Variants in CCDC178 observed in about 807,000 individuals in gnomAD.
CCDC178 encodes coiled-coil domain-containing protein 178.
CCDC178 carries 126 observed loss-of-function variants against 117.4 expected under a neutral mutation model. The ratio of observed to expected loss-of-function variants is 1.07; its 90% CI spans 0.93 to 1.24. CCDC178 has a LOEUF of 1.24. CCDC178 is among the 50% of genes most tolerant of loss of function. CCDC178 has a pLI of 0.00. For synonymous variants in CCDC178, 283 were observed against 313.4 expected, an observed-to-expected ratio of 0.90 and a Z score of 1.02; for missense variants, 1,030 against 986.9, an observed-to-expected ratio of 1.04 and a Z score of -0.59.
chr18:33,376,636 T>G (rs1031833396), intron 5 of CCDC178, among the ~76,000 whole-genome samples: 2 of 152,174 alleles, frequency 1.3e-5, no homozygotes, highest in African/African-American at 4.8e-5. Flanking sequence ...TAGTGTCTAT[T>G]GATGCCATCT....
chr18:33,198,965 A>G (rs550290159), intron 20 of CCDC178, among the ~76,000 whole-genome samples: 1 of 152,178 alleles, frequency 6.6e-6, no homozygotes, highest in Non-Finnish European at 1.5e-5. Flanking sequence ...CAGTATCTAG[A>G]ATAGTGTATT....
intron 20 of CCDC178, among the ~76,000 whole-genome samples, chr18:33,172,397 A>G (rs942279150): frequency 6.6e-6 from 1 of 152,148 alleles, no homozygotes; most frequent in South Asian, 2.1e-4. Context: ...AAATATACGT[A>G]AAATGAATTT....
In CCDC178 at chr18:32,943,892, G is replaced by T. The variant is rs546509596; in HGVS notation, c.2524-5801C>A. Reference sequence around the variant, plus strand: ...AAAATTGTAGTGATGTGCAGAAAAAGAATTTAGTTAAAATGAGATCTCGTA... The same window carrying T: ...AAAATTGTAGTGATGTGCAGAAAAATAATTTAGTTAAAATGAGATCTCGTA... On this transcript the variant is annotated intron_variant, in intron 22 of 22. Transcript: ENST00000383096. Among the ~76,000 whole-genome samples, 8 of 152,288 alleles carry T rather than the reference G, an allele frequency of 5.3e-5. No homozygotes were observed. In the South Asian group the frequency reaches 1.0e-3, roughly 20 times the overall value.
At chr18:33,117,845 T>C (rs1421510510) in intron 20 of CCDC178, among the ~76,000 whole-genome samples, 1 of 152,070 alleles carries the variant, frequency 6.6e-6, no homozygotes, top group East Asian at 1.9e-4. Context: ...AAGAGTGATG[T>C]CTATTCAATC....
At chr18:33,287,036 T>C (rs2060106216) in intron 12 of CCDC178, among the ~76,000 whole-genome samples, 1 of 151,946 alleles carries the variant, frequency 6.6e-6, no homozygotes, top group Non-Finnish European at 1.5e-5. Flanking sequence ...GTTTTCTGGC[T>C]AACAAAGGCC....
chr18:33,131,420 A>C (rs2058067729), intron 20 of CCDC178, among the ~76,000 whole-genome samples: 1 of 151,830 alleles, frequency 6.6e-6, no homozygotes, highest in Non-Finnish European at 1.5e-5. Flanking sequence ...AGAACTATGA[A>C]AGTAACAAAA....
chr18:33,401,533 T>G (rs2063710033), intron 3 of CCDC178, among the ~76,000 whole-genome samples: 1 of 152,178 alleles, frequency 6.6e-6, no homozygotes, highest in South Asian at 2.1e-4. Flanking sequence ...TCCAATAGAA[T>G]GTATTCATCA....
At chr18:32,961,629 G>C (rs931016232) in intron 22 of CCDC178, among the ~76,000 whole-genome samples, 5 of 152,124 alleles carry the variant, frequency 3.3e-5, no homozygotes, top group African/African-American at 1.2e-4. Context: ...GGATGAAACT[G>C]TTCCACTTCA....
chr18:33,150,690 A>T (rs569411200), intron 20 of CCDC178, among the ~76,000 whole-genome samples: 47 of 152,222 alleles, frequency 3.1e-4, no homozygotes, highest in Non-Finnish European at 5.4e-4. Context: ...GCTGGTGAGA[A>T]TGTAAACTAG....
intron 12 of CCDC178, among the ~76,000 whole-genome samples, chr18:33,276,444 G>A (rs1374982004): frequency 6.6e-6 from 1 of 151,988 alleles, no homozygotes; most frequent in Non-Finnish European, 1.5e-5. Flanking sequence ...GGATATATAA[G>A]ATTTGTTACA....
chr18:32,975,406 A>G (rs2055009763), intron 21 of CCDC178, among the ~76,000 whole-genome samples: 1 of 152,218 alleles, frequency 6.6e-6, no homozygotes, highest in South Asian at 2.1e-4. Context: ...CATGTGCTAG[A>G]TCATTTGGAA....
intron 22 of CCDC178, among the ~76,000 whole-genome samples, chr18:32,951,877 C>T (rs1367196804): frequency 6.6e-6 from 1 of 152,170 alleles, no homozygotes; most frequent in African/African-American, 2.4e-5. Flanking sequence ...CCAAATGGGA[C>T]AAATTGGCCA....
Position 33,153,158 on chromosome 18 carries a change from CATATATT to C in CCDC178, c.2238+58731_2238+58737del, listed in dbSNP as rs1251364901. ...CAATTATATATATATATATATATAACATATATTATATATTATATATATTAGCTTAACA... is the reference window on the plus strand; with the variant it reads ...CAATTATATATATATATATATATAACATATATTATATATATTAGCTTAACA... On this transcript the variant is annotated intron_variant, in intron 20 of 22. Transcript: ENST00000383096. 1.7e-4 allele frequency among the ~76,000 whole-genome samples: 25 copies of C among 145,848 alleles called. 1 individual carries two copies. The East Asian group carries it at 4.9e-3, about 29-fold the overall frequency.
At chr18:32,950,804 G>A (rs961424748) in intron 22 of CCDC178, among the ~76,000 whole-genome samples, 2 of 152,054 alleles carry the variant, frequency 1.3e-5, no homozygotes, top group East Asian at 3.9e-4. Flanking sequence ...CATATTAAAA[G>A]GTAAAAAATT....
At chr18:33,325,040 T>C (rs2062566116) in intron 10 of CCDC178, among the ~76,000 whole-genome samples, 1 of 151,728 alleles carries the variant, frequency 6.6e-6, no homozygotes, top group Non-Finnish European at 1.5e-5. Flanking sequence ...TTTAAATGTA[T>C]ATCTTTTATT....
At chr18:33,374,141 C>T (rs1449906985) in intron 5 of CCDC178, among the ~76,000 whole-genome samples, 5 of 152,154 alleles carry the variant, frequency 3.3e-5, no homozygotes, top group East Asian at 1.9e-4. Context: ...ATATGAGTTT[C>T]GTGGACAGTG....
At chr18:33,177,010 C>T (rs1057243136) in intron 20 of CCDC178, among the ~76,000 whole-genome samples, 2 of 152,174 alleles carry the variant, frequency 1.3e-5, no homozygotes, top group African/African-American at 2.4e-5. Flanking sequence ...ATTGAACTCA[C>T]CTCATTTAAA....
At chr18:32,959,340 G>T (rs954978619) in intron 22 of CCDC178, among the ~76,000 whole-genome samples, 1 of 152,146 alleles carries the variant, frequency 6.6e-6, no homozygotes, top group East Asian at 1.9e-4. Context: ...ATGAGACTCT[G>T]TTGGATTGAG....
At chr18:33,134,060 A>C (rs2058097789) in intron 20 of CCDC178, among the ~76,000 whole-genome samples, 1 of 151,938 alleles carries the variant, frequency 6.6e-6, no homozygotes, top group Non-Finnish European at 1.5e-5. Flanking sequence ...AAAGAAAAGA[A>C]AAAAATTTAA....
Sources: gnomAD v4.1 joint callset for allele counts (sites outside exome capture counted in the v4.1 genomes callset) on GRCh38, gnomAD v4.1.1 for gene constraint, MANE v1.5 for transcripts, NCBI Gene and HGNC (gene_info 2026-07-23, HGNC 2026-07-21) for gene names.